CHST8: variants seen among roughly 807,000 people sequenced by gnomAD.
CHST8 encodes GALNAC-4-ST1.
A neutral mutation model predicts 15.0 loss-of-function variants in CHST8; 10 were observed. That is an observed-to-expected ratio of 0.67 (90% CI 0.41 to 1.13). CHST8 has a LOEUF of 1.13. CHST8 is among the 50% of genes most tolerant of loss of function. The pLI, the probability that CHST8 is intolerant of heterozygous loss-of-function variation, is 0.00. For missense variants in CHST8, 634 were observed against 608.2 expected (o/e 1.04, Z -0.45); for synonymous variants, 259 against 256.6 (o/e 1.01, Z -0.09).
At chr19:33,731,057 C>G (rs1973984375) in intron 3 of CHST8, among the ~76,000 whole-genome samples, 1 of 152,216 alleles carries the variant, frequency 6.6e-6, no homozygotes. Context: ...GTGTGTCTGC[C>G]TCTCCCAGTC....
intron 3 of CHST8, among the ~76,000 whole-genome samples, chr19:33,757,789 T>C (rs464925): frequency 0.23 from 35,585 of 151,532 alleles, 4,453 homozygotes; most frequent in Middle Eastern, 0.3. Flanking sequence ...ACTCCTGGGC[T>C]CAAGCAATCC....
chr19:33,752,672 G>A (rs538482166), intron 3 of CHST8, among the ~76,000 whole-genome samples: 14 of 152,290 alleles, frequency 9.2e-5, no homozygotes, highest in African/African-American at 3.4e-4. Flanking sequence ...ATGCAAGTGT[G>A]TTTGGACTCT....
intron 3 of CHST8, among the ~76,000 whole-genome samples, chr19:33,707,137 T>C (rs1568336704): frequency 6.6e-6 from 1 of 152,076 alleles, no homozygotes; most frequent in African/African-American, 2.4e-5. Context: ...ACTGCAGCTT[T>C]AAACTCCTGG....
At chr19:33,638,278 C>T (rs1219308750) in intron 1 of CHST8, among the ~76,000 whole-genome samples, 3 of 152,188 alleles carry the variant, frequency 2.0e-5, no homozygotes, top group Non-Finnish European at 4.4e-5. Context: ...GTGCCTCCAG[C>T]CCCTCCAGCC....
intron 1 of CHST8, among the ~76,000 whole-genome samples, chr19:33,634,968 C>T (rs1247103817): frequency 6.6e-6 from 1 of 152,110 alleles, no homozygotes; most frequent in East Asian, 1.9e-4. Context: ...TGCAGCCGTG[C>T]CCCCAGCAGC....
chr19:33,735,775 C>T (rs886590880), intron 3 of CHST8, among the ~76,000 whole-genome samples: 5 of 152,218 alleles, frequency 3.3e-5, no homozygotes, highest in Non-Finnish European at 7.3e-5. Context: ...TGCAGTGAGC[C>T]GAGATCGCGC....
At chr19:33,709,651 G>C (rs979949819) in intron 3 of CHST8, among the ~76,000 whole-genome samples, 1 of 151,542 alleles carries the variant, frequency 6.6e-6, no homozygotes, top group Non-Finnish European at 1.5e-5. Context: ...GATAGTTGTA[G>C]TTTTCTTGTG....
At chr19:33,653,021 C>T (rs1014365987) in intron 1 of CHST8, among the ~76,000 whole-genome samples, 3 of 152,112 alleles carry the variant, frequency 2.0e-5, no homozygotes, top group African/African-American at 7.2e-5. Context: ...TATAAACTCC[C>T]CAATTTTAAA....
intron 3 of CHST8, among the ~76,000 whole-genome samples, chr19:33,724,185 C>T (rs576901110): frequency 6.6e-6 from 1 of 152,300 alleles, no homozygotes; most frequent in Non-Finnish European, 1.5e-5. Context: ...TTTAGATGAG[C>T]CTAGCCTCCT....
chr19:33,650,973 T>A (rs1426798551), intron 1 of CHST8, among the ~76,000 whole-genome samples: 1 of 152,172 alleles, frequency 6.6e-6, no homozygotes, highest in African/African-American at 2.4e-5. Context: ...AGTGCTGGGA[T>A]TACAGACATG....
intron 3 of CHST8, among the ~76,000 whole-genome samples, chr19:33,700,083 C>A (rs920401671): frequency 1.3e-5 from 2 of 152,178 alleles, no homozygotes; most frequent in African/African-American, 4.8e-5. Flanking sequence ...CGCAGCTGGG[C>A]GTCTAAGCCC....
chr19:33,629,253 A>G (rs376255243), intron 1 of CHST8, among the ~76,000 whole-genome samples: 6 of 152,254 alleles, frequency 3.9e-5, no homozygotes, highest in African/African-American at 1.4e-4. Flanking sequence ...GGTGGTCTCC[A>G]TGTGTGTTTC....
intron 3 of CHST8, among the ~76,000 whole-genome samples, chr19:33,714,914 G>T (rs1973636582): frequency 1.3e-5 from 2 of 152,186 alleles, no homozygotes; most frequent in Admixed American, 1.3e-4. Flanking sequence ...CCAGTCTTTA[G>T]TATGTCTTTA....
intron 3 of CHST8, among the ~76,000 whole-genome samples, chr19:33,766,903 G>A (rs548550240): frequency 5.3e-5 from 8 of 152,230 alleles, no homozygotes; most frequent in Non-Finnish European, 1.0e-4. Context: ...CCACACAAAC[G>A]GCCCCATCAG....
At chr19:33,695,091 C>A (rs1973186122) in intron 3 of CHST8, among the ~76,000 whole-genome samples, 1 of 152,042 alleles carries the variant, frequency 6.6e-6, no homozygotes, top group Non-Finnish European at 1.5e-5. Context: ...AGACCACAGG[C>A]AGACGCCACT....
chr19:33,700,347 A>G (rs1973307371), intron 3 of CHST8, among the ~76,000 whole-genome samples: 1 of 152,226 alleles, frequency 6.6e-6, no homozygotes, highest in African/African-American at 2.4e-5. Flanking sequence ...CATTATCTCA[A>G]AATCAGCAGG....
At chr19:33,738,367 C>T (rs1974123145) in intron 3 of CHST8, among the ~76,000 whole-genome samples, 1 of 152,182 alleles carries the variant, frequency 6.6e-6, no homozygotes, top group Non-Finnish European at 1.5e-5. Flanking sequence ...ATTCAAACCC[C>T]CCATCCCTGG....
intron 1 of CHST8, among the ~76,000 whole-genome samples, chr19:33,664,751 C>T (rs912700981): frequency 1.3e-5 from 2 of 151,986 alleles, no homozygotes; most frequent in Non-Finnish European, 2.9e-5. Context: ...CTTTATCTTG[C>T]CCCATCCCCT....
At chr19:33,765,181 G>A (rs2145385779) in intron 3 of CHST8, among the ~76,000 whole-genome samples, 1 of 151,686 alleles carries the variant, frequency 6.6e-6, no homozygotes, top group African/African-American at 2.4e-5. Flanking sequence ...AGACACACGT[G>A]TGCAACAGCT....
Sources: gnomAD v4.1 joint callset for allele counts (sites outside exome capture counted in the v4.1 genomes callset) on GRCh38, gnomAD v4.1.1 for gene constraint, MANE v1.5 for transcripts, NCBI Gene and HGNC (gene_info 2026-07-23, HGNC 2026-07-21) for gene names.